The following OXR1 variants were observed in gnomAD, a reference collection of about 807,000 sequenced individuals.
The protein encoded by OXR1 is oxidation resistance protein 1.
OXR1 carries 41 observed loss-of-function variants against 104.6 expected under a neutral mutation model. That is an observed-to-expected ratio of 0.39 (90% CI 0.31 to 0.51). The LOEUF (loss-of-function observed/expected upper bound fraction) is 0.51, where lower values mean the gene tolerates loss of function less well. OXR1 is among the 20% of genes least tolerant of loss of function. The pLI is 0.77. For synonymous variants in OXR1, 348 were observed against 348.4 expected (o/e 1.00, Z 0.01); for missense variants, 955 against 1,031.9 (o/e 0.93, Z 1.02).
intron 16 of OXR1, among the ~76,000 whole-genome samples, chr8:106,748,883 G>A (rs1427040282): frequency 2.0e-5 from 3 of 151,828 alleles, no homozygotes; most frequent in Non-Finnish European, 4.4e-5. Context: ...ACTCTTAAAG[G>A]AACCATTCTA....
chr8:106,647,274 G>T (rs921935608), intron 3 of OXR1, among the ~76,000 whole-genome samples: 3 of 152,060 alleles, frequency 2.0e-5, no homozygotes, highest in African/African-American at 7.2e-5. Flanking sequence ...TCTTCTAGAG[G>T]GGAACTTTTT....
intron 3 of OXR1, among the ~76,000 whole-genome samples, chr8:106,649,849 G>A (rs571137710): frequency 5.9e-5 from 9 of 151,912 alleles, no homozygotes; most frequent in East Asian, 3.9e-4. Flanking sequence ...GGCACCCACC[G>A]CCACGCCCAG....
chr8:106,317,029 C>T (rs1316134254), intron 1 of OXR1, among the ~76,000 whole-genome samples: 4 of 152,004 alleles, frequency 2.6e-5, no homozygotes, highest in Non-Finnish European at 4.4e-5. Flanking sequence ...TGTCACCATG[C>T]CCAGCTAATT....
chr8:106,672,748 A>T (rs1286706001), intron 3 of OXR1, among the ~76,000 whole-genome samples: 1 of 152,084 alleles, frequency 6.6e-6, no homozygotes. Context: ...AGTTTCCCCC[A>T]TGCTGTTCTT....
chr8:106,516,668 T>C (rs530732018), intron 2 of OXR1, among the ~76,000 whole-genome samples: 3 of 152,300 alleles, frequency 2.0e-5, no homozygotes, highest in Admixed American at 6.5e-5. Flanking sequence ...CAAGTAGTCA[T>C]TGGCACCATA....
At chr8:106,615,607 C>T (rs930185543) in intron 3 of OXR1, among the ~76,000 whole-genome samples, 1 of 117,616 alleles carries the variant, frequency 8.5e-6, no homozygotes, top group East Asian at 2.4e-4. Flanking sequence ...GAATCTGTCT[C>T]AAAAAAAAAA....
chr8:106,424,913 A>G (rs923117357), intron 2 of OXR1, among the ~76,000 whole-genome samples: 1 of 151,756 alleles, frequency 6.6e-6, no homozygotes, highest in African/African-American at 2.4e-5. Context: ...GATTTGACAT[A>G]TTTTTTAAAA....
At chr8:106,638,603 C>G (rs1369922561) in intron 3 of OXR1, among the ~76,000 whole-genome samples, 1 of 152,086 alleles carries the variant, frequency 6.6e-6, no homozygotes, top group Non-Finnish European at 1.5e-5. Flanking sequence ...CCAGGGATGT[C>G]AAAAAGCAAA....
chr8:106,476,638 A>G (rs1821826607), intron 2 of OXR1, among the ~76,000 whole-genome samples: 1 of 151,924 alleles, frequency 6.6e-6, no homozygotes, highest in Admixed American at 6.6e-5. Context: ...AAAACTGTTC[A>G]GGCAGATATC....
At chr8:106,543,049 T>C (rs1390982929) in intron 3 of OXR1, among the ~76,000 whole-genome samples, 1 of 152,158 alleles carries the variant, frequency 6.6e-6, no homozygotes, top group African/African-American at 2.4e-5. Flanking sequence ...TCCTATTTTA[T>C]TTTCTGTGAT....
At chr8:106,441,868 A>G (rs1452741069) in intron 2 of OXR1, among the ~76,000 whole-genome samples, 1 of 152,172 alleles carries the variant, frequency 6.6e-6, no homozygotes, top group African/African-American at 2.4e-5. Context: ...GCAAACAGTA[A>G]CAACTTGACT....
At chr8:106,424,280 G>A (rs932758910) in intron 2 of OXR1, among the ~76,000 whole-genome samples, 2 of 152,026 alleles carry the variant, frequency 1.3e-5, no homozygotes, top group Admixed American at 1.3e-4. Context: ...GTAAATAAAA[G>A]GGAAAATATC....
intron 7 of OXR1, 106 bp downstream of exon 7, chr8:106,692,983 G>T: frequency 1.3e-6 from 1 of 747,392 alleles, no homozygotes; most frequent in East Asian, 2.8e-5. Flanking sequence ...GAAAATGCTT[G>T]AATATTATAG....
At chr8:106,408,160 C>T (rs1306008766) in intron 2 of OXR1, among the ~76,000 whole-genome samples, 1 of 152,084 alleles carries the variant, frequency 6.6e-6, no homozygotes, top group Non-Finnish European at 1.5e-5. Flanking sequence ...TCTTGAGAAC[C>T]CCTGAATTAT....
At chr8:106,341,856 T>A (rs946053095) in intron 1 of OXR1, among the ~76,000 whole-genome samples, 2 of 151,074 alleles carry the variant, frequency 1.3e-5, no homozygotes, top group African/African-American at 4.9e-5. Flanking sequence ...CATCCTTCCA[T>A]CTATATCCCC....
Position 106,497,813 on chromosome 8 carries a change from C to T in OXR1, c.24-21130C>T, listed in dbSNP as rs113137170. Among the ~76,000 whole-genome samples, 34 of 150,872 alleles carry T rather than the reference C, an allele frequency of 2.3e-4. No individual in the cohort carries two copies. In the East Asian group the frequency reaches 2.3e-3, roughly 10 times the overall value. ...ATGTGTGTGTGTGTGTGTGCACACG[C>T]GTGTGTGTGTGTGTCTTCATTGCAT... On this transcript the variant is annotated intron_variant, in intron 2 of 16. Transcript: ENST00000517566.
At chr8:106,425,279 G>T (rs938320330) in intron 2 of OXR1, among the ~76,000 whole-genome samples, 4 of 151,678 alleles carry the variant, frequency 2.6e-5, no homozygotes, top group African/African-American at 7.3e-5. Flanking sequence ...GCCCAAGCTG[G>T]TCTGGAACTT....
intron 2 of OXR1, among the ~76,000 whole-genome samples, chr8:106,496,616 G>A (rs1339046835): frequency 2.0e-5 from 3 of 152,100 alleles, no homozygotes; most frequent in Non-Finnish European, 4.4e-5. Flanking sequence ...GATGCATATC[G>A]CTTCTACTAA....
intron 14 of OXR1, among the ~76,000 whole-genome samples, chr8:106,741,621 T>C (rs1834924498): frequency 6.6e-6 from 1 of 152,156 alleles, no homozygotes; most frequent in Middle Eastern, 3.2e-3. Context: ...TCAGACTCTC[T>C]GCACTCCCAT....
Sources: allele counts gnomAD v4.1 joint callset (sites outside exome capture counted in the v4.1 genomes callset), GRCh38; gene constraint gnomAD v4.1.1; transcripts MANE v1.5; gene names NCBI Gene and HGNC (gene_info 2026-07-23, HGNC 2026-07-21).